The following SPTB variants were observed in gnomAD, a reference collection of about 807,000 sequenced individuals.
The protein encoded by SPTB is spectrin beta, erythrocytic.
Under a neutral mutation model 256.2 loss-of-function variants are expected in SPTB, and 45 were observed. The observed-to-expected ratio is 0.18, with a 90% CI of 0.14 to 0.23. The LOEUF is 0.23. Ranked by LOEUF, SPTB falls within the 10% of genes least tolerant of loss-of-function variation. The probability of loss-of-function intolerance (pLI) is 1.00; values close to 1 mark genes in which losing one functional copy is unlikely to be tolerated. For synonymous variants in SPTB, 1,231 were observed against 1,243.1 expected (o/e 0.99, Z 0.21); for missense variants, 2,715 against 3,040.4 (o/e 0.89, Z 2.52).
In SPTB at chr14:64,833,308, T is replaced by C. The variant is rs1247011826; in HGVS notation, c.-51-10163A>G. Reference sequence around the variant, plus strand: ...GCTCACGCCCATAATCCGAGCACTTTGGGAGTCCGAAGCGGGTGGATCACC... The same window carrying C: ...GCTCACGCCCATAATCCGAGCACTTCGGGAGTCCGAAGCGGGTGGATCACC... On this transcript the variant is annotated intron_variant, in intron 1 of 35. Transcript: ENST00000644917. Among the ~76,000 whole-genome samples, 5 of 152,306 alleles carry C rather than the reference T, an allele frequency of 3.3e-5. No individual in the cohort carries two copies. In the East Asian group the frequency reaches 9.6e-4, roughly 29 times the overall value.
intron 20 of SPTB, among the ~76,000 whole-genome samples, chr14:64,780,832 A>C (rs770791002): frequency 3.5e-4 from 53 of 152,372 alleles, no homozygotes; most frequent in African/African-American, 9.1e-4. Context: ...TTATACTACA[A>C]GGCTACAGTG....
At position 64,853,961 on chromosome 14, in the gene SPTB, G is replaced by A. The variant is rs186898958; in HGVS notation, c.-52+25831C>T. On this transcript the variant is annotated intron_variant, in intron 1 of 35. Coordinates refer to ENST00000644917, the MANE Select transcript of SPTB (RefSeq NM_001355436.2). This position sits in a 1 kb window ranked among gnomAD's most constrained non-coding sequence, Gnocchi z 4.3. The stretch of plus-strand genomic sequence containing the variant: ...AATCCCAGTACTTTGGGAGACCGAG[G>A]CAGGTAGATCACCTGAGGTCAGGAG... Among the ~76,000 whole-genome samples, 1 of 152,166 alleles carries A rather than the reference G, an allele frequency of 6.6e-6. No individual in the cohort carries two copies. Among genetic ancestry groups the A allele is most frequent in the Non-Finnish European group, 1.5e-5 (1 of 68,034 alleles).
Position 64,825,703 on chromosome 14 carries a change from GC to G in SPTB, c.-51-2559del, listed in dbSNP as rs1246458481. 6.6e-6 allele frequency among the ~76,000 whole-genome samples: 1 copy of G among 152,250 alleles called. No homozygotes were observed. ...TTAAGAGTGGCTGAGAGAGGCCTGGGCCGTGGGGCTGGAGAGTGAGATTACC... is the reference window on the plus strand; with the variant it reads ...TTAAGAGTGGCTGAGAGAGGCCTGGGCGTGGGGCTGGAGAGTGAGATTACC... On this transcript the variant is annotated intron_variant, in intron 1 of 35. Coordinates refer to ENST00000644917, the MANE Select transcript of SPTB (RefSeq NM_001355436.2). This position sits in a 1 kb window ranked among gnomAD's most constrained non-coding sequence, Gnocchi z 4.8.
intron 2 of SPTB, among the ~76,000 whole-genome samples, chr14:64,813,776 T>A (rs1451986403): frequency 6.6e-6 from 1 of 152,200 alleles, no homozygotes; most frequent in Admixed American, 6.5e-5. Context: ...TCCACCTGCC[T>A]TGGCCTCCAA....
At position 64,806,442 on chromosome 14, in the gene SPTB, G is replaced by A. The variant is rs142726103; in HGVS notation, c.149-1352C>T. On this transcript the variant is annotated intron_variant, in intron 2 of 35. Coordinates refer to ENST00000644917, the MANE Select transcript of SPTB (RefSeq NM_001355436.2). The surrounding 1 kb of genome is among the most constrained non-coding windows in gnomAD (Gnocchi z 4.1). ...GCCTAGCCAGGAGCGGGGTCTGCCC[G>A]GTCGGAGCAGGCTGTGTGCTCGACT... 6.3e-3 allele frequency among the ~76,000 whole-genome samples: 956 copies of A among 152,302 alleles called. 6 individuals are homozygous for A. Among genetic ancestry groups the A allele is most frequent in the Non-Finnish European group, 8.9e-3 (603 of 68,024 alleles).
chr14:64,803,869 C>A (rs1312444804), intron 3 of SPTB, 89 bp from the exon 4 acceptor site: 1 of 1,398,720 alleles, frequency 7.1e-7, no homozygotes, highest in Non-Finnish European at 9.8e-7. Context: ...GTCATAAGCA[C>A]CCACCCTCCA....
intron 1 of SPTB, among the ~76,000 whole-genome samples, chr14:64,867,363 C>T (rs1882247559): frequency 1.3e-5 from 2 of 152,202 alleles, no homozygotes; most frequent in African/African-American, 2.4e-5. Context: ...CCAAGGACAT[C>T]AGACACTGTC....
Position 64,793,841 on chromosome 14 carries a change from T to C in SPTB, c.1822A>G (p.Ile608Val). 1 of 1,608,304 alleles carries C rather than the reference T, an allele frequency of 6.2e-7. No homozygotes were observed. The highest frequency in any genetic ancestry group is 8.5e-7 in the Non-Finnish European group (1 of 1,179,664). ...TCCAAGTGGCTGATGCGGTCCTGGA[T>C]GACCTGGGGGTCACAAGGCTGGTAC... ...KGYQPCDPQV[I>V]QDRISHLEQC... is the part of the protein sequence containing the mutation. Residue 608 changes from isoleucine (I) to valine (V), a missense_variant, in exon 14 of 36, where the codon ATC becomes GTC. By Grantham distance (29) the Ile-to-Val change is conservative (BLOSUM62 3). Coordinates refer to ENST00000644917, the MANE Select transcript of SPTB (RefSeq NM_001355436.2). This position sits in a 1 kb window ranked among gnomAD's most constrained non-coding sequence, Gnocchi z 7.0.
chr14:64,822,900 T>C (rs745551711), intron 2 of SPTB, 47 bp downstream of exon 2: 5 of 1,611,726 alleles, frequency 3.1e-6, no homozygotes, highest in South Asian at 2.2e-5. Flanking sequence ...GCTGTGAACC[T>C]TGTGACTGTG....
At chr14:64,821,471 G>C in intron 2 of SPTB, among the ~76,000 whole-genome samples, 1 of 152,248 alleles carries the variant, frequency 6.6e-6, no homozygotes, top group Non-Finnish European at 1.5e-5. Context: ...ACCTTGCTTT[G>C]GCAAATCTTA....
intron 1 of SPTB, among the ~76,000 whole-genome samples, chr14:64,837,566 C>CT (rs1221205445): frequency 2.6e-5 from 4 of 152,068 alleles, no homozygotes; most frequent in Non-Finnish European, 1.5e-5. Context: ...CCCAGGAGAA[C>CT]TTTTTTTGAG....
At chr14:64,811,132 G>A (rs1354826138) in intron 2 of SPTB, among the ~76,000 whole-genome samples, 2 of 151,822 alleles carry the variant, frequency 1.3e-5, no homozygotes, top group Non-Finnish European at 2.9e-5. Context: ...AGTTTATATT[G>A]GATAAAACAC....
In SPTB at chr14:64,775,203, C is replaced by T. The variant is rs768388921; in HGVS notation, c.4764G>A (p.Gln1588=). The change falls in exon 23 of 36, where the codon CAG becomes CAA. Residue 1588 remains glutamine, a synonymous_variant. Coordinates refer to ENST00000644917, the MANE Select transcript of SPTB (RefSeq NM_001355436.2). This position sits in a 1 kb window ranked among gnomAD's most constrained non-coding sequence, Gnocchi z 5.0. ...QRLRDANEAQ[Q]YYLDADEAEA... ...CAGCCTCGTCTGCATCCAGGTAGTA[C>T]TGCTGTGCCTCGTTGGCGTCCCTCA... 1.9e-5 allele frequency: 30 copies of T among 1,613,814 alleles called. No homozygotes were observed. Among genetic ancestry groups the T allele is most frequent in the Non-Finnish European group, 2.5e-5 (30 of 1,180,040 alleles).
chr14:64,761,756 A>G (rs547960704), intron 32 of SPTB, among the ~76,000 whole-genome samples: 1 of 152,314 alleles, frequency 6.6e-6, no homozygotes, highest in Admixed American at 6.5e-5. Flanking sequence ...CCTGCCCTGA[A>G]GGAGCTGCTG....
At chr14:64,867,861 A>G (rs1369398538) in intron 1 of SPTB, among the ~76,000 whole-genome samples, 1 of 8,988 alleles carries the variant, frequency 1.1e-4, no homozygotes, top group Non-Finnish European at 7.0e-4. Flanking sequence ...CTCTGTCTCA[A>G]AAAAAAAAAA....
At chr14:64,763,662 T>A in intron 32 of SPTB, 1 of 505,220 alleles carries the variant, frequency 2.0e-6, no homozygotes, top group Admixed American at 2.0e-5. Context: ...CCAACAGAAT[T>A]AAGGACTAGA....
intron 1 of SPTB, among the ~76,000 whole-genome samples, chr14:64,874,021 G>A (rs1341723235): frequency 6.6e-6 from 1 of 152,126 alleles, no homozygotes; most frequent in African/African-American, 2.4e-5. Context: ...TGCCACTGGT[G>A]AGCTTTGTCA....
At chr14:64,843,638 T>C (rs2083642316) in intron 1 of SPTB, among the ~76,000 whole-genome samples, 1 of 152,172 alleles carries the variant, frequency 6.6e-6, no homozygotes, top group African/African-American at 2.4e-5. Flanking sequence ...CAGGCTTTAG[T>C]CTTGCTCTGG....
Position 64,785,443 on chromosome 14 carries a change from C to T in SPTB, c.3855+94G>A. 8.6e-7 allele frequency: 1 copy of T among 1,156,978 alleles called. No individual in the cohort carries two copies. Among genetic ancestry groups the T allele is most frequent in the African/African-American group, 1.5e-5 (1 of 65,548 alleles). The allele number at this position is 1,156,978 out of a possible 1,614,324, so 71.7% of individuals were successfully genotyped here. A position where few individuals can be genotyped will look rare whatever the true frequency, so the allele number is the denominator to read the frequency against. ...CTCATGGAATCCCACAGCTCTTGAG[C>T]TAGAAAGGATCCCTGTGGACTTCCT... On this transcript the variant is annotated intron_variant, in intron 18 of 35. Coordinates refer to ENST00000644917, the MANE Select transcript of SPTB (RefSeq NM_001355436.2). The surrounding 1 kb of genome is among the most constrained non-coding windows in gnomAD (Gnocchi z 4.4).
Sources: allele counts gnomAD v4.1 joint callset (sites outside exome capture counted in the v4.1 genomes callset), GRCh38; gene constraint gnomAD v4.1.1; non-coding constraint Gnocchi (gnomAD v3.1); transcripts MANE v1.5; gene names NCBI Gene and HGNC (gene_info 2026-07-23, HGNC 2026-07-21).